PHF24: variants seen among roughly 807,000 people sequenced by gnomAD.
The protein encoded by PHF24 is Galpha inhibitory interacting protein.
PHF24 carries 25 observed loss-of-function variants against 42.6 expected under a neutral mutation model. That is an observed-to-expected ratio of 0.59 (90% CI 0.43 to 0.82). PHF24 has a LOEUF of 0.82. PHF24 is among the 40% of genes least tolerant of loss of function. PHF24 has a pLI of 0.00. For missense variants in PHF24, 470 were observed against 538.1 expected (o/e 0.87, Z 1.25); for synonymous variants, 185 against 204.8 (o/e 0.90, Z 0.83).
At chr9:34,839,860 A>C in the PHF24 span, among the ~76,000 whole-genome samples, 2 of 152,186 alleles carry the variant, frequency 1.3e-5, no homozygotes, top group Admixed American at 6.5e-5. Context: ...CAAGAGAGAG[A>C]ATGCATGGAG....
At chr9:34,970,128 G>A (rs1171385217) in intron 1 of PHF24, among the ~76,000 whole-genome samples, 1 of 152,144 alleles carries the variant, frequency 6.6e-6, no homozygotes, top group Non-Finnish European at 1.5e-5. Context: ...AGGCTAAAAT[G>A]GACTCTGCTC....
At chr9:34,953,841 C>T (rs1335012837), upstream of PHF24, among the ~76,000 whole-genome samples, 1 of 151,818 alleles carries the variant, frequency 6.6e-6, no homozygotes, top group African/African-American at 2.4e-5. The surrounding 1 kb of genome is among the most constrained non-coding windows in gnomAD (Gnocchi z 4.1). Flanking sequence ...GAGCCTGAGG[C>T]GAGAGGATAG....
the PHF24 span, among the ~76,000 whole-genome samples, chr9:34,686,587 A>AT: frequency 6.6e-6 from 1 of 152,114 alleles, no homozygotes; most frequent in Admixed American, 6.6e-5. Flanking sequence ...GGAAAGGGAG[A>AT]TTTTCATCCC....
At chr9:34,874,672 C>T in the PHF24 span, among the ~76,000 whole-genome samples, 1 of 152,260 alleles carries the variant, frequency 6.6e-6, no homozygotes, top group East Asian at 1.9e-4. Context: ...AACAAACATT[C>T]ATTTAGATAT....
chr9:34,832,335 G>A, the PHF24 span: 1 of 689,470 alleles, frequency 1.5e-6, no homozygotes, highest in African/African-American at 1.8e-5. Flanking sequence ...AGCCACTCAA[G>A]GACAGTGACG....
At chr9:34,803,094 G>A in the PHF24 span, among the ~76,000 whole-genome samples, 1 of 152,064 alleles carries the variant, frequency 6.6e-6, no homozygotes, top group African/African-American at 2.4e-5. Flanking sequence ...TATTATTCAA[G>A]CATAAACCAT....
chr9:34,774,404 CA>C, the PHF24 span, among the ~76,000 whole-genome samples: 132,543 of 152,016 alleles, frequency 0.87, 59,716 homozygotes, highest in Non-Finnish European at 0.98. Context: ...ACAACAAAAA[CA>C]AAAAAAACAA....
the PHF24 span, among the ~76,000 whole-genome samples, chr9:34,853,103 A>G: frequency 1.1e-4 from 17 of 152,288 alleles, no homozygotes; most frequent in Middle Eastern, 3.4e-3. Context: ...TGGGTTTGTC[A>G]TATATGGCTG....
chr9:34,915,802 T>A, the PHF24 span, among the ~76,000 whole-genome samples: 3 of 152,220 alleles, frequency 2.0e-5, no homozygotes, highest in Non-Finnish European at 4.4e-5. Flanking sequence ...GGTGGTATCC[T>A]TGTTATGGTT....
the PHF24 span, among the ~76,000 whole-genome samples, chr9:34,676,500 G>A: frequency 3.9e-4 from 60 of 152,310 alleles, no homozygotes; most frequent in Non-Finnish European, 3.1e-4. Context: ...TCCAGTCTGG[G>A]CAACAGAGTG....
At chr9:34,866,084 G>A in the PHF24 span, among the ~76,000 whole-genome samples, 3 of 152,176 alleles carry the variant, frequency 2.0e-5, no homozygotes, top group African/African-American at 4.8e-5. Context: ...CAGGAGGTGG[G>A]GCTGCCACCC....
chr9:34,843,410 G>T, the PHF24 span, among the ~76,000 whole-genome samples: 1 of 152,086 alleles, frequency 6.6e-6, no homozygotes, highest in Non-Finnish European at 1.5e-5. Context: ...GACCATATAT[G>T]TATAGGCCTA....
the PHF24 span, among the ~76,000 whole-genome samples, chr9:34,849,614 AT>A: frequency 6.6e-6 from 1 of 152,052 alleles, no homozygotes; most frequent in East Asian, 1.9e-4. Context: ...TAAAGTTAAT[AT>A]TGTTATGTGT....
At chr9:34,883,925 T>C in the PHF24 span, among the ~76,000 whole-genome samples, 21 of 152,232 alleles carry the variant, frequency 1.4e-4, no homozygotes, top group Admixed American at 1.4e-3. Flanking sequence ...CGTATGTTTA[T>C]TGCAGCACTA....
the PHF24 span, among the ~76,000 whole-genome samples, chr9:34,853,064 C>T: frequency 9.2e-5 from 14 of 152,270 alleles, 1 homozygote; most frequent in South Asian, 1.5e-3. Context: ...ATGCTTCCAG[C>T]TTTTGCCCAT....
At chr9:34,676,241 G>A in the PHF24 span, among the ~76,000 whole-genome samples, 2 of 152,134 alleles carry the variant, frequency 1.3e-5, no homozygotes, top group African/African-American at 4.8e-5. Context: ...GGTAGAAGTT[G>A]GGCTGGGCAT....
chr9:34,825,956 G>A, the PHF24 span, among the ~76,000 whole-genome samples: 5 of 152,106 alleles, frequency 3.3e-5, no homozygotes, highest in African/African-American at 1.2e-4. Flanking sequence ...TTTGTAGTAG[G>A]CCTGACCTTG....
chr9:34,723,676 G>A, the PHF24 span: 8 of 1,551,602 alleles, frequency 5.2e-6, no homozygotes, highest in South Asian at 1.2e-5. Flanking sequence ...GCAAAACTTG[G>A]CCTTGCAAAG....
At chr9:34,727,887 C>T in the PHF24 span, 1 of 777,448 alleles carries the variant, frequency 1.3e-6, no homozygotes, top group African/African-American at 1.8e-5. Flanking sequence ...AACCCTCTCA[C>T]CCAGTGTCCC....
Sources: gnomAD v4.1 joint callset for allele counts (sites outside exome capture counted in the v4.1 genomes callset) on GRCh38, gnomAD v4.1.1 for gene constraint, Gnocchi (gnomAD v3.1) non-coding constraint, MANE v1.5 for transcripts, NCBI Gene and HGNC (gene_info 2026-07-23, HGNC 2026-07-21) for gene names.